Variants in HSPB8 observed in about 807,000 individuals in gnomAD.
HSPB8 encodes the protein heat shock protein beta-8.
In HSPB8, 9 loss-of-function variants were observed where a neutral mutation model predicts 16.5. The observed-to-expected ratio is 0.55, with a 90% confidence interval of 0.33 to 0.95. The LOEUF (loss-of-function observed/expected upper bound fraction) is 0.95, where lower values mean the gene tolerates loss of function less well. HSPB8 is among the 40% of genes least tolerant of loss of function. The pLI is 0.03. For synonymous variants in HSPB8, 99 were observed against 94.8 expected, an observed-to-expected ratio of 1.04 and a Z score of -0.26; for missense variants, 238 against 251.2, an observed-to-expected ratio of 0.95 and a Z score of 0.35.
intron 1 of HSPB8, among the ~76,000 whole-genome samples, chr12:119,184,625 T>C (rs2136082550): frequency 6.6e-6 from 1 of 152,366 alleles, no homozygotes; most frequent in East Asian, 1.9e-4. Flanking sequence ...ATGTTCTGGT[T>C]AGCCAGACAC....
chr12:119,180,857 C>T (rs1301342268), intron 1 of HSPB8, among the ~76,000 whole-genome samples: 1 of 152,152 alleles, frequency 6.6e-6, no homozygotes, highest in African/African-American at 2.4e-5. Context: ...GAGTTTCAAG[C>T]CAGTCCTGGT....
intron 2 of HSPB8, among the ~76,000 whole-genome samples, chr12:119,191,217 G>T (rs1036434685): frequency 6.6e-6 from 1 of 152,116 alleles, no homozygotes; most frequent in Non-Finnish European, 1.5e-5. Context: ...AAAGAAACAG[G>T]TTCAAAGAGT....
At position 119,179,113 on chromosome 12, in the gene HSPB8, G is replaced by T; in HGVS notation, c.-200G>T. ...GGATTCTGCTGGATCTGCCCCGGGG[G>T]TTACCTTTGGGGGCTGGGACCCCAG... is the stretch of plus-strand genomic sequence containing the variant. On this transcript the variant is annotated 5_prime_UTR_variant, in exon 1 of 3. Transcript: ENST00000281938. 2 of 653,074 alleles carry T rather than the reference G, an allele frequency of 3.1e-6. 1 individual carries two copies. The highest frequency in any genetic ancestry group is 5.5e-6 in the Non-Finnish European group (2 of 362,756). 40.5% of individuals were successfully genotyped at this position (653,074 alleles called of 1,614,324 possible).
At chr12:119,188,953 T>C (rs1271578432) in intron 2 of HSPB8, among the ~76,000 whole-genome samples, 1 of 152,238 alleles carries the variant, frequency 6.6e-6, no homozygotes, top group African/African-American at 2.4e-5. Flanking sequence ...AGCTGAATTC[T>C]GAGGCTTCTT....
chr12:119,181,458 G>C (rs186612385), intron 1 of HSPB8, among the ~76,000 whole-genome samples: 70 of 152,324 alleles, frequency 4.6e-4, no homozygotes, highest in Non-Finnish European at 8.4e-4. Flanking sequence ...AACAGATAAT[G>C]CATCTATGTC....
intron 2 of HSPB8, among the ~76,000 whole-genome samples, chr12:119,187,412 C>T (rs113675773): frequency 0.028 from 4,234 of 152,178 alleles, 196 homozygotes; most frequent in African/African-American, 0.097. Context: ...TGGAGTGCAG[C>T]GGTGTGATCC....
At chr12:119,185,502 T>A (rs999075791) in intron 1 of HSPB8, among the ~76,000 whole-genome samples, 5 of 152,078 alleles carry the variant, frequency 3.3e-5, no homozygotes, top group African/African-American at 1.2e-4. Context: ...TCCAGCTAAT[T>A]TTTGTATTTT....
chr12:119,183,747 CTCTCT>C (rs551499660), intron 1 of HSPB8, among the ~76,000 whole-genome samples: 180 of 152,290 alleles, frequency 1.2e-3, no homozygotes, highest in Admixed American at 7.7e-3. Flanking sequence ...CCTAGCAACA[CTCTCT>C]TTAAATGAGG....
intron 1 of HSPB8, chr12:119,186,718 G>T: frequency 3.2e-6 from 1 of 314,782 alleles, no homozygotes; most frequent in South Asian, 3.0e-5. Context: ...ACAACACATG[G>T]AAGATTTGGT....
intron 1 of HSPB8, among the ~76,000 whole-genome samples, chr12:119,184,188 C>T (rs757335061): frequency 4.3e-4 from 65 of 152,302 alleles, no homozygotes; most frequent in Non-Finnish European, 6.9e-4. Context: ...CAGCACTTAA[C>T]CTCTCTGAAC....
At chr12:119,185,811 T>C (rs1306072571) in intron 1 of HSPB8, among the ~76,000 whole-genome samples, 1 of 152,066 alleles carries the variant, frequency 6.6e-6, no homozygotes, top group Non-Finnish European at 1.5e-5. Flanking sequence ...TGCACTATCT[T>C]AAAGCACAAA....
intron 2 of HSPB8, 22 bp from the exon 3 acceptor site, chr12:119,193,677 T>TA (rs753044097): frequency 6.2e-7 from 1 of 1,612,978 alleles, no homozygotes; most frequent in Non-Finnish European, 8.5e-7. Context: ...AATAAATGAA[T>TA]AAAATCGTGT....
intron 2 of HSPB8, among the ~76,000 whole-genome samples, chr12:119,193,385 C>T (rs994399563): frequency 6.6e-6 from 1 of 152,206 alleles, no homozygotes; most frequent in African/African-American, 2.4e-5. Context: ...TGGGCCACAG[C>T]TCTCTTTTAA....
At chr12:119,180,695 T>C (rs186841792) in intron 1 of HSPB8, among the ~76,000 whole-genome samples, 1 of 152,338 alleles carries the variant, frequency 6.6e-6, no homozygotes, top group East Asian at 1.9e-4. Flanking sequence ...CCTGTGAAGC[T>C]GGGCAGTAGA....
At position 119,193,754 on chromosome 12, in the gene HSPB8, C is replaced by G. The variant is rs529515227; in HGVS notation, c.487C>G (p.Leu163Val). 1.9e-6 allele frequency: 3 copies of G among 1,614,162 alleles called. No homozygotes were observed. The East Asian group carries it at 6.7e-5, about 36-fold the overall frequency. The change falls in exon 3 of 3, where the codon CTG becomes GTG. Residue 163 changes from leucine (L) to valine (V), a missense_variant. By Grantham distance (32) the Leu-to-Val change is conservative. Coordinates refer to ENST00000281938, the MANE Select transcript of HSPB8 (RefSeq NM_014365.3). ...ATTTGCCTCACTTTCCCCAGAGGGT[C>G]TGCTGATCATCGAAGCTCCCCAGGT... ...TVFASLSPEG[L>V]LIIEAPQVPP...
At chr12:119,189,584 C>T (rs1272291863) in intron 2 of HSPB8, among the ~76,000 whole-genome samples, 1 of 152,130 alleles carries the variant, frequency 6.6e-6, no homozygotes, top group Non-Finnish European at 1.5e-5. Flanking sequence ...AAGAAGCATG[C>T]AACCTAGATC....
chr12:119,188,247 C>A (rs1182523028), intron 2 of HSPB8, among the ~76,000 whole-genome samples: 2 of 87,584 alleles, frequency 2.3e-5, no homozygotes. Flanking sequence ...CTCTCTCTCT[C>A]TTTTTTTTTT....
Position 119,194,705 on chromosome 12 carries a change from T to TTAATAATAATAATAA in HSPB8, c.*857_*871dup, listed in dbSNP as rs60924821. The stretch of plus-strand genomic sequence containing the variant: ...TTTAGGGGTAAATAACAGTAAATAA[T>TTAATAATAATAATAA]TAATAATAATAATAATAATAATAAA... On this transcript the variant is annotated 3_prime_UTR_variant, in exon 3 of 3. Transcript: ENST00000281938. 4 of 287,622 alleles carry TTAATAATAATAATAA rather than the reference T, an allele frequency of 1.4e-5. No individual in the cohort carries two copies. The East Asian group carries it at 2.6e-4, about 19-fold the overall frequency. The allele number at this position is 287,622 out of a possible 1,614,324, so 17.8% of individuals were successfully genotyped here.
Position 119,194,522 on chromosome 12 carries a change from C to T in HSPB8, c.*664C>T. 1 of 159,066 alleles carries T rather than the reference C, an allele frequency of 6.3e-6. No homozygotes were observed. Among genetic ancestry groups the T allele is most frequent in the Non-Finnish European group, 1.4e-5 (1 of 73,162 alleles). 9.9% of individuals were successfully genotyped at this position (159,066 alleles called of 1,614,324 possible). A position where few individuals can be genotyped will look rare whatever the true frequency, so the allele number is the denominator to read the frequency against. On this transcript the variant is annotated 3_prime_UTR_variant, in exon 3 of 3. Coordinates refer to ENST00000281938, the MANE Select transcript of HSPB8 (RefSeq NM_014365.3). ...ATCTGACCTAGGTCCCCCCTTTCTT[C>T]TGTCCCCTGTGTTTAAGTCGGGATT...
Sources: gnomAD v4.1 joint callset for allele counts (sites outside exome capture counted in the v4.1 genomes callset) on GRCh38, gnomAD v4.1.1 for gene constraint, MANE v1.5 for transcripts, NCBI Gene and HGNC (gene_info 2026-07-23, HGNC 2026-07-21) for gene names.